Variants in NCKAP1L observed in about 807,000 individuals in gnomAD.
NCKAP1L encodes nck-associated protein 1-like.
NCKAP1L carries 53 observed loss-of-function variants against 139.2 expected under a neutral mutation model. That is an observed-to-expected ratio of 0.38 (90% CI 0.31 to 0.48). NCKAP1L has a LOEUF of 0.48. Ranked by LOEUF, NCKAP1L falls within the 20% of genes least tolerant of loss-of-function variation. The pLI, the probability that NCKAP1L is intolerant of heterozygous loss-of-function variation, is 0.98. For missense variants in NCKAP1L, 1,151 were observed against 1,381.9 expected, an observed-to-expected ratio of 0.83 and a Z score of 2.65; for synonymous variants, 468 against 499.7, an observed-to-expected ratio of 0.94 and a Z score of 0.85.
Position 54,517,888 on chromosome 12 carries a change from C to CTTCA in NCKAP1L, c.1289_1292dup (p.Gln431HisfsTer8), listed in dbSNP as rs773604848. ...CATCAAAGTGATACAGCAATACCAC[C>CTTCA]TTCAGTACTTGGCAAGATTTGATGC... On this transcript the variant is annotated frameshift_variant, in exon 13 of 31. Coordinates refer to ENST00000293373, the MANE Select transcript of NCKAP1L (RefSeq NM_005337.5). LOFTEE classifies it high-confidence loss of function. The CTTCA allele has an allele frequency of 8.7e-6, 14 of 1,613,990 alleles. No homozygotes were observed.
intron 9 of NCKAP1L, among the ~76,000 whole-genome samples, chr12:54,515,611 T>C (rs1054433967): frequency 7.9e-5 from 12 of 152,168 alleles, no homozygotes; most frequent in Non-Finnish European, 1.5e-5. Flanking sequence ...GGTGTCTCTT[T>C]AGAGAAGTTT....
In NCKAP1L at chr12:54,544,854, C is replaced by A. The variant is rs1326205494; in HGVS notation, c.*2169C>A. ...TCTCTACTAAAAATACCAAAACTAG[C>A]CGGGCGTGGTGGTGCATGCCTGTAG... On this transcript the variant is annotated 3_prime_UTR_variant, in exon 31 of 31. Coordinates refer to ENST00000293373, the MANE Select transcript of NCKAP1L (RefSeq NM_005337.5). The A allele has an allele frequency of 1.3e-5, 2 of 152,292 alleles. No individual in the cohort carries two copies. The highest frequency in any genetic ancestry group is 1.5e-5 in the Non-Finnish European group (1 of 68,042). The allele number at this position is 152,292 out of a possible 1,614,324, so 9.4% of individuals were successfully genotyped here.
chr12:54,526,781 T>C (rs1266409836), intron 21 of NCKAP1L, 35 bp downstream of exon 21: 1 of 1,576,052 alleles, frequency 6.3e-7, no homozygotes, highest in African/African-American at 1.3e-5. Context: ...CTGCCTTACT[T>C]TGTGTTGGCA....
chr12:54,529,292 G>C (rs1018394077), intron 22 of NCKAP1L, among the ~76,000 whole-genome samples: 35 of 152,140 alleles, frequency 2.3e-4, no homozygotes, highest in African/African-American at 8.4e-4. Flanking sequence ...TGTGTCTCAG[G>C]GGGAGACAGG....
intron 3 of NCKAP1L, among the ~76,000 whole-genome samples, chr12:54,505,629 G>A (rs1956833884): frequency 6.6e-6 from 1 of 150,440 alleles, no homozygotes; most frequent in Admixed American, 6.6e-5. Flanking sequence ...ATTGATCTAT[G>A]TTGTTGCATG....
rs982912891 is a variant in NCKAP1L, at chr12:54,544,894, A to G, written c.*2209A>G. 1.3e-5 allele frequency: 2 copies of G among 152,214 alleles called. No homozygotes were observed. The highest frequency in any genetic ancestry group is 2.4e-5 in the African/African-American group (1 of 41,446). 9.4% of individuals were successfully genotyped at this position (152,214 alleles called of 1,614,324 possible). ...CATGCCTGTAGTCCCACTACTCAGG[A>G]GGCTGAGGCAGCAGAATAACTTGAT... On this transcript the variant is annotated 3_prime_UTR_variant, in exon 31 of 31. Coordinates refer to ENST00000293373, the MANE Select transcript of NCKAP1L (RefSeq NM_005337.5).
At chr12:54,537,268 G>C (rs1300243906) in intron 29 of NCKAP1L, among the ~76,000 whole-genome samples, 1 of 152,214 alleles carries the variant, frequency 6.6e-6, no homozygotes, top group Admixed American at 6.5e-5. Context: ...TATTTGGAAA[G>C]ATCATTGGAC....
At chr12:54,516,172 G>A in intron 9 of NCKAP1L, 67 bp from the exon 10 acceptor site, 1 of 1,548,406 alleles carries the variant, frequency 6.5e-7, no homozygotes, top group Non-Finnish European at 8.9e-7. Context: ...TCTGAGGACT[G>A]GGAAGGTGAG....
intron 30 of NCKAP1L, among the ~76,000 whole-genome samples, chr12:54,542,124 T>A (rs541185535): frequency 2.6e-5 from 4 of 152,136 alleles, no homozygotes; most frequent in Non-Finnish European, 5.9e-5. Context: ...GGGAGGAGAC[T>A]GAGGCCCAAC....
intron 30 of NCKAP1L, among the ~76,000 whole-genome samples, chr12:54,540,716 A>G (rs1957151068): frequency 6.6e-6 from 1 of 152,030 alleles, no homozygotes; most frequent in Non-Finnish European, 1.5e-5. Context: ...GGTAGTTTTC[A>G]CCCCTGTCAG....
In NCKAP1L at chr12:54,515,103, A is replaced by G. The variant is rs186021182; in HGVS notation, c.942-1136A>G. Among the ~76,000 whole-genome samples, 46 of 152,358 alleles carry G rather than the reference A, an allele frequency of 3.0e-4. 1 individual carries two copies. The highest frequency in any genetic ancestry group is 5.9e-5 in the Non-Finnish European group (4 of 68,036). ...CTCAGTCTCAGTGTCACTCAATAAGAGGTGAAATTAGGACACAATTCCAGG... is the reference window on the plus strand; with the variant it reads ...CTCAGTCTCAGTGTCACTCAATAAGGGGTGAAATTAGGACACAATTCCAGG... On this transcript the variant is annotated intron_variant, in intron 9 of 30. Transcript: ENST00000293373.
At chr12:54,503,004 CAAAAA>C (rs77302715) in intron 3 of NCKAP1L, among the ~76,000 whole-genome samples, 1 of 83,662 alleles carries the variant, frequency 1.2e-5, no homozygotes, top group Admixed American at 1.3e-4. Flanking sequence ...GACTTTGTCT[CAAAAA>C]AAAAAAAAAA....
At chr12:54,522,314 G>C (rs1231048326) in intron 18 of NCKAP1L, among the ~76,000 whole-genome samples, 2 of 152,250 alleles carry the variant, frequency 1.3e-5, no homozygotes, top group African/African-American at 4.8e-5. Flanking sequence ...GCCAAGAAGA[G>C]ATCATCAGTC....
chr12:54,531,264 G>A lies in NCKAP1L; in HGVS notation c.2511G>A (p.Met837Ile). ...GCCTCTGTAACTCTGTTCCAGAGAT[G>A]CGGGCCTTGGCAGAACTCCTGGGCC... is the stretch of plus-strand genomic sequence containing the variant. ...SAEEFSDISE[M>I]RALAELLGPY... The change falls in exon 23 of 31, where the codon ATG becomes ATA. Residue 837 changes from methionine to isoleucine, a missense_variant. Physicochemically the swap from Met to Ile is conservative, Grantham distance 10. Coordinates refer to ENST00000293373, the MANE Select transcript of NCKAP1L (RefSeq NM_005337.5). 6.2e-7 allele frequency: 1 copy of A among 1,614,064 alleles called. No individual in the cohort carries two copies. The highest frequency in any genetic ancestry group is 8.5e-7 in the Non-Finnish European group (1 of 1,179,926).
rs369683129 is a variant in NCKAP1L, at chr12:54,536,079, G to A, written c.2957-50G>A. On this transcript the variant is annotated intron_variant, in intron 27 of 30. Coordinates refer to ENST00000293373, the MANE Select transcript of NCKAP1L (RefSeq NM_005337.5). The stretch of plus-strand genomic sequence containing the variant: ...AGGACCCCTGTAACAGATAACTTCT[G>A]TTTGCTGACTTTATTCACTTTTCCT... The A allele has an allele frequency of 1.7e-5, 23 of 1,371,828 alleles. No homozygotes were observed. In the African/African-American group the frequency reaches 3.1e-4, roughly 19 times the overall value. The allele number at this position is 1,371,828 out of a possible 1,614,324, so 85.0% of individuals were successfully genotyped here. A position where few individuals can be genotyped will look rare whatever the true frequency, so the allele number is the denominator to read the frequency against.
chr12:54,517,608 A>C lies in NCKAP1L; in HGVS notation c.1171A>C (p.Thr391Pro). The C allele has an allele frequency of 5.6e-6, 9 of 1,613,952 alleles. No individual in the cohort carries two copies. The highest frequency in any genetic ancestry group is 6.8e-6 in the Non-Finnish European group (8 of 1,179,876). The change falls in exon 12 of 31, where the codon ACC becomes CCC. Residue 391 changes from threonine (T) to proline (P), a missense_variant. Coordinates refer to ENST00000293373, the MANE Select transcript of NCKAP1L (RefSeq NM_005337.5). ...TWLVRHTENV[T>P]KTKTPEDYAD... ...GCTGGTTCGCCACACAGAGAATGTC[A>C]CCAAGACAAAGACACCTGAGGACTA...
intron 17 of NCKAP1L, 22 bp downstream of exon 17, chr12:54,520,848 C>A (rs748119348): frequency 6.2e-7 from 1 of 1,613,860 alleles, no homozygotes; most frequent in African/African-American, 1.3e-5. Flanking sequence ...GATCTCCAGA[C>A]CCTGTCATCT....
At chr12:54,505,868 G>A (rs1371015416) in intron 3 of NCKAP1L, among the ~76,000 whole-genome samples, 1 of 152,084 alleles carries the variant, frequency 6.6e-6, no homozygotes, top group Non-Finnish European at 1.5e-5. Flanking sequence ...CTCCATGTTG[G>A]TCAGGCTGGT....
chr12:54,508,062 G>A (rs992608442), intron 4 of NCKAP1L, among the ~76,000 whole-genome samples, 153 bp downstream of exon 4: 2 of 152,116 alleles, frequency 1.3e-5, no homozygotes, highest in African/African-American at 2.4e-5. Context: ...TAATTGTTTT[G>A]TAAAAAGTGC....
Sources: allele counts gnomAD v4.1 joint callset (sites outside exome capture counted in the v4.1 genomes callset), GRCh38; gene constraint gnomAD v4.1.1; transcripts MANE v1.5; gene names NCBI Gene and HGNC (gene_info 2026-07-23, HGNC 2026-07-21).